The following RHOU variants were observed in gnomAD, a reference collection of about 807,000 sequenced individuals.
RHOU encodes ras homolog family member U, also known as rho-related GTP-binding protein RhoU.
A neutral mutation model predicts 12.6 loss-of-function variants in RHOU; 8 were observed. The ratio of observed to expected loss-of-function variants is 0.64; its 90% CI spans 0.37 to 1.15. RHOU has a LOEUF of 1.15. Ranked by LOEUF, RHOU falls within the 50% of genes most tolerant of loss-of-function variation. The pLI, the probability that RHOU is intolerant of heterozygous loss-of-function variation, is 0.01. For missense variants in RHOU, 258 were observed against 347.0 expected (o/e 0.74, Z 2.04); for synonymous variants, 161 against 147.4 (o/e 1.09, Z -0.67).
At chr1:228,677,422 GT>G in the RHOU span, among the ~76,000 whole-genome samples, 1 of 151,968 alleles carries the variant, frequency 6.6e-6, no homozygotes, top group Non-Finnish European at 1.5e-5. Context: ...CTATCCTTGA[GT>G]TTTTTTTATG....
the RHOU span, chr1:228,650,262 G>A: frequency 6.1e-5 from 28 of 459,646 alleles, no homozygotes; most frequent in South Asian, 2.3e-4. Flanking sequence ...TCGCTGGGTC[G>A]CTGGCGCCAG....
the RHOU span, among the ~76,000 whole-genome samples, chr1:228,730,267 A>G: frequency 6.6e-6 from 1 of 152,174 alleles, no homozygotes; most frequent in Non-Finnish European, 1.5e-5. Context: ...ACTGGTGGGA[A>G]CTTGGAGAAA....
chr1:228,698,667 G>A, the RHOU span, among the ~76,000 whole-genome samples: 4 of 152,232 alleles, frequency 2.6e-5, no homozygotes, highest in South Asian at 2.1e-4. Flanking sequence ...CCATCCAGAA[G>A]AGTGAAGGCC....
At chr1:228,677,964 G>GA in the RHOU span, among the ~76,000 whole-genome samples, 1 of 152,176 alleles carries the variant, frequency 6.6e-6, no homozygotes, top group Non-Finnish European at 1.5e-5. Flanking sequence ...GACCCTGTGG[G>GA]AAAGGCCTCT....
At chr1:228,707,230 C>CATATATATAT in the RHOU span, among the ~76,000 whole-genome samples, 10 of 45,680 alleles carry the variant, frequency 2.2e-4, no homozygotes, top group African/African-American at 8.3e-4. Context: ...TATATATATA[C>CATATATATAT]ATATGTATAT....
the RHOU span, among the ~76,000 whole-genome samples, chr1:228,728,898 T>TC: frequency 1.3e-3 from 189 of 141,682 alleles, 1 homozygote; most frequent in African/African-American, 5.2e-3. Context: ...TCTTTTCTTT[T>TC]CTTTTTTTTT....
At chr1:228,658,561 G>T in the RHOU span, among the ~76,000 whole-genome samples, 1 of 152,294 alleles carries the variant, frequency 6.6e-6, no homozygotes, top group Middle Eastern at 3.4e-3. Flanking sequence ...AGAACTGAGA[G>T]AAATAAATGT....
At chr1:228,660,073 G>A in the RHOU span, among the ~76,000 whole-genome samples, 1 of 151,902 alleles carries the variant, frequency 6.6e-6, no homozygotes, top group Admixed American at 6.6e-5. Context: ...AGGATCACTT[G>A]AACCTGGGAG....
chr1:228,675,236 C>T, the RHOU span, among the ~76,000 whole-genome samples: 1 of 152,106 alleles, frequency 6.6e-6, no homozygotes, highest in Non-Finnish European at 1.5e-5. Flanking sequence ...ATCAAGTGTG[C>T]ATAGGAGCAT....
At chr1:228,698,697 G>A in the RHOU span, among the ~76,000 whole-genome samples, 1 of 152,370 alleles carries the variant, frequency 6.6e-6, no homozygotes, top group African/African-American at 2.4e-5. Flanking sequence ...TGTTCTTATA[G>A]ACAAAGGTTA....
upstream of RHOU, among the ~76,000 whole-genome samples, chr1:228,731,793 G>A (rs1056585849): frequency 6.6e-6 from 1 of 151,544 alleles, no homozygotes; most frequent in Non-Finnish European, 1.5e-5. Context: ...TAGGTAGGGG[G>A]GATGAATGCT....
Position 228,743,597 on chromosome 1 carries a change from A to C in RHOU, c.634A>C (p.Lys212Gln). 6.2e-7 allele frequency: 1 copy of C among 1,614,196 alleles called. No homozygotes were observed. Among genetic ancestry groups the C allele is most frequent in the Non-Finnish European group, 8.5e-7 (1 of 1,180,042 alleles). ...ECSALTQKNL[K>Q]EVFDAAIVAG... is the part of the protein sequence containing the mutation. Reference sequence around the variant, plus strand: ...TTCAGCCTTGACTCAAAAAAACCTCAAAGAGGTCTTTGATGCAGCCATCGT... The same window carrying C: ...TTCAGCCTTGACTCAAAAAAACCTCCAAGAGGTCTTTGATGCAGCCATCGT... Residue 212 changes from lysine to glutamine, a missense_variant, in exon 3 of 3, where the codon AAA becomes CAA. Coordinates refer to ENST00000366691, the MANE Select transcript of RHOU (RefSeq NM_021205.6). This position sits in a 1 kb window ranked among gnomAD's most constrained non-coding sequence, Gnocchi z 5.1.
At chr1:228,668,785 T>G in the RHOU span, among the ~76,000 whole-genome samples, 1 of 152,218 alleles carries the variant, frequency 6.6e-6, no homozygotes, top group African/African-American at 2.4e-5. Flanking sequence ...TGATCTAACT[T>G]TGACCTCCCT....
At chr1:228,700,648 A>G in the RHOU span, among the ~76,000 whole-genome samples, 1 of 152,202 alleles carries the variant, frequency 6.6e-6, no homozygotes, top group Non-Finnish European at 1.5e-5. Context: ...CATAATTATG[A>G]CTGATAAAAT....
the RHOU span, among the ~76,000 whole-genome samples, chr1:228,699,475 A>T: frequency 1.5e-5 from 2 of 132,118 alleles, no homozygotes; most frequent in Non-Finnish European, 3.2e-5. Context: ...AAAAAAAAAA[A>T]GCCTGTAGCA....
At chr1:228,652,835 G>GAA in the RHOU span, among the ~76,000 whole-genome samples, 8 of 152,064 alleles carry the variant, frequency 5.3e-5, no homozygotes, top group Non-Finnish European at 1.2e-4. Flanking sequence ...CCAAATTTAA[G>GAA]AAAATATTTT....
chr1:228,702,694 A>C, the RHOU span, among the ~76,000 whole-genome samples: 1 of 152,224 alleles, frequency 6.6e-6, no homozygotes, highest in Admixed American at 6.5e-5. Flanking sequence ...AGGCATAAAT[A>C]TCTATATTAT....
upstream of RHOU, among the ~76,000 whole-genome samples, chr1:228,731,752 T>C (rs1437915251): frequency 6.6e-6 from 1 of 151,238 alleles, no homozygotes. Flanking sequence ...CAGGGGTGGG[T>C]TGCTGGAAGT....
chr1:228,649,547 T>C, the RHOU span, among the ~76,000 whole-genome samples: 1 of 152,228 alleles, frequency 6.6e-6, no homozygotes, highest in Non-Finnish European at 1.5e-5. Flanking sequence ...GTATTTCATT[T>C]TGAAGTATTT....
Sources: gnomAD v4.1 joint callset for allele counts (sites outside exome capture counted in the v4.1 genomes callset) on GRCh38, gnomAD v4.1.1 for gene constraint, Gnocchi (gnomAD v3.1) non-coding constraint, MANE v1.5 for transcripts, NCBI Gene and HGNC (gene_info 2026-07-23, HGNC 2026-07-21) for gene names.